PCSK5: variants seen among roughly 807,000 people sequenced by gnomAD.
PCSK5 encodes the protein proprotein convertase subtilisin/kexin type 5.
In PCSK5, 129 loss-of-function variants were observed where a neutral mutation model predicts 233.2. The observed-to-expected ratio is 0.55, with a 90% CI of 0.48 to 0.64. The LOEUF is 0.64. Ranked by LOEUF, PCSK5 falls within the 30% of genes least tolerant of loss-of-function variation. The probability of loss-of-function intolerance (pLI) is 0.00; values close to 1 mark genes in which losing one functional copy is unlikely to be tolerated. For missense variants in PCSK5, 2,076 were observed against 2,430.1 expected (o/e 0.85, Z 3.06); for synonymous variants, 825 against 879.2 (o/e 0.94, Z 1.09).
At chr9:76,270,302 C>A (rs534207280) in intron 24 of PCSK5, among the ~76,000 whole-genome samples, 1 of 152,134 alleles carries the variant, frequency 6.6e-6, no homozygotes, top group African/African-American at 2.4e-5. Context: ...AGAGTTTCCT[C>A]GGATGCTGAG....
intron 35 of PCSK5, among the ~76,000 whole-genome samples, chr9:76,347,485 T>C (rs1186458373): frequency 3.3e-5 from 5 of 152,146 alleles, no homozygotes; most frequent in African/African-American, 1.2e-4. Flanking sequence ...AATTAATTGG[T>C]GTAGGAGATG....
At chr9:76,308,858 G>T in intron 29 of PCSK5, 130 bp downstream of exon 29, 2 of 618,560 alleles carry the variant, frequency 3.2e-6, no homozygotes, top group Non-Finnish European at 5.7e-6. Context: ...CTATTACAGT[G>T]GCTACTCGGG....
At chr9:75,908,147 T>G (rs551256145) in intron 1 of PCSK5, among the ~76,000 whole-genome samples, 7 of 152,302 alleles carry the variant, frequency 4.6e-5, no homozygotes, top group Admixed American at 3.3e-4. Flanking sequence ...GGGAGTTAAC[T>G]CCCTTTAATG....
At chr9:76,209,778 A>C (rs902553692) in intron 20 of PCSK5, among the ~76,000 whole-genome samples, 28 of 150,998 alleles carry the variant, frequency 1.9e-4, no homozygotes, top group African/African-American at 6.5e-4. Context: ...AAATAAAATT[A>C]TAAATTAAAA....
intron 2 of PCSK5, among the ~76,000 whole-genome samples, chr9:75,968,582 C>T (rs927537258): frequency 6.6e-6 from 1 of 152,162 alleles, no homozygotes; most frequent in African/African-American, 2.4e-5. Context: ...ATGCCCTCAC[C>T]TAGAAGGTGC....
intron 12 of PCSK5, among the ~76,000 whole-genome samples, chr9:76,164,278 A>C (rs79072400): frequency 0.015 from 2,338 of 152,298 alleles, 59 homozygotes; most frequent in African/African-American, 0.051. Context: ...TCCTTCATTC[A>C]AAAGAAGGTA....
intron 14 of PCSK5, among the ~76,000 whole-genome samples, chr9:76,178,938 G>A (rs1022450744): frequency 1.3e-5 from 2 of 151,980 alleles, no homozygotes; most frequent in African/African-American, 4.8e-5. Context: ...AGAGAGATTG[G>A]GAACTTTCAT....
In PCSK5 at chr9:75,891,265, C is replaced by A. The variant is rs34813806; in HGVS notation, c.84C>A (p.Pro28=). 3,254 of 1,530,176 alleles carry A rather than the reference C, an allele frequency of 2.1e-3. 55 individuals are homozygous for A. The African/African-American group carries it at 0.032, about 15-fold the overall frequency. 94.8% of individuals were successfully genotyped at this position (1,530,176 alleles called of 1,614,324 possible). Residue 28 remains proline, a synonymous_variant, in exon 1 of 38, where the codon CCC becomes CCA. Transcript: ENST00000674117. Reference sequence around the variant, plus strand: ...CGCTGCTCGGGGGCTGCCTGCTCCCCGTGTGTCGGACGCGCGTCTACACCA... The same window carrying A: ...CGCTGCTCGGGGGCTGCCTGCTCCCAGTGTGTCGGACGCGCGTCTACACCA... ...VLALLGGCLL[P]VCRTRVYTNH... is the part of the protein sequence containing the mutation.
chr9:76,044,811 A>G (rs1829309457), intron 5 of PCSK5, among the ~76,000 whole-genome samples: 1 of 152,124 alleles, frequency 6.6e-6, no homozygotes, highest in Non-Finnish European at 1.5e-5. Flanking sequence ...TTGAATTTTT[A>G]TTTATTTTTT....
intron 2 of PCSK5, among the ~76,000 whole-genome samples, chr9:75,981,189 AC>A (rs1346391379): frequency 5.9e-5 from 9 of 152,164 alleles, no homozygotes; most frequent in African/African-American, 2.2e-4. Flanking sequence ...ATCAGCTAGA[AC>A]ATTGACCTCA....
At chr9:76,303,516 A>G (rs1453792881) in intron 28 of PCSK5, among the ~76,000 whole-genome samples, 1 of 152,244 alleles carries the variant, frequency 6.6e-6, no homozygotes, top group Non-Finnish European at 1.5e-5. Context: ...TATACATGAT[A>G]ACATCAAAGG....
intron 9 of PCSK5, among the ~76,000 whole-genome samples, chr9:76,118,637 C>A (rs892660495): frequency 6.7e-6 from 1 of 148,934 alleles, no homozygotes; most frequent in African/African-American, 2.6e-5. Context: ...GCAATAGAAC[C>A]ATTTTTAAAA....
rs1049372765 is a variant in PCSK5 at position 76,209,641 on chromosome 9, T to A, written c.2627-17862T>A. The stretch of plus-strand genomic sequence containing the variant: ...TTATTTATTTACCAAAATGTTTCGA[T>A]CACTTCACCACATGGCAAGTTGTGG... On this transcript the variant is annotated intron_variant, in intron 20 of 37. Coordinates refer to ENST00000674117, the MANE Select transcript of PCSK5 (RefSeq NM_001372043.1). 11 of 448,892 alleles carry A rather than the reference T, an allele frequency of 2.5e-5. No individual in the cohort carries two copies. The Admixed American group carries it at 2.7e-4, about 11-fold the overall frequency. The allele number at this position is 448,892 out of a possible 1,614,324, so 27.8% of individuals were successfully genotyped here. A position where few individuals can be genotyped will look rare whatever the true frequency, so the allele number is the denominator to read the frequency against.
chr9:76,168,938 T>G (rs1587710691), intron 12 of PCSK5, among the ~76,000 whole-genome samples: 2 of 152,328 alleles, frequency 1.3e-5, no homozygotes. Flanking sequence ...TCTAGAATAT[T>G]GTATAAATTG....
At chr9:76,074,843 C>G (rs1174424716) in intron 7 of PCSK5, among the ~76,000 whole-genome samples, 1 of 152,120 alleles carries the variant, frequency 6.6e-6, no homozygotes, top group Non-Finnish European at 1.5e-5. Flanking sequence ...GTCCTCAGTC[C>G]ATCATCCTTC....
At chr9:76,323,880 T>C (rs1829282617) in intron 32 of PCSK5, among the ~76,000 whole-genome samples, 1 of 151,546 alleles carries the variant, frequency 6.6e-6, no homozygotes, top group Non-Finnish European at 1.5e-5. Flanking sequence ...CACAAGCAAA[T>C]TGTGACACCA....
intron 34 of PCSK5, among the ~76,000 whole-genome samples, chr9:76,334,375 C>T (rs1829619239): frequency 6.6e-6 from 1 of 152,190 alleles, no homozygotes; most frequent in South Asian, 2.1e-4. Flanking sequence ...AGAAAAACAC[C>T]TCTTACGTCT....
intron 34 of PCSK5, among the ~76,000 whole-genome samples, chr9:76,335,373 T>C (rs1388254227): frequency 2.0e-5 from 3 of 152,240 alleles, no homozygotes; most frequent in Non-Finnish European, 4.4e-5. Flanking sequence ...TCATGAGGTA[T>C]ATGAGAACTC....
chr9:76,039,288 A>G (rs921863017), intron 5 of PCSK5, among the ~76,000 whole-genome samples: 1 of 152,212 alleles, frequency 6.6e-6, no homozygotes, highest in Non-Finnish European at 1.5e-5. Flanking sequence ...ACAAACAAAC[A>G]AAAATACCCA....
Sources: gnomAD v4.1 joint callset for allele counts (sites outside exome capture counted in the v4.1 genomes callset) on GRCh38, gnomAD v4.1.1 for gene constraint, MANE v1.5 for transcripts, NCBI Gene and HGNC (gene_info 2026-07-23, HGNC 2026-07-21) for gene names.